Variants in DHRS12 observed in about 807,000 individuals in gnomAD.
The protein encoded by DHRS12 is dehydrogenase/reductase SDR family member 12.
In DHRS12, 29 loss-of-function variants were observed where a neutral mutation model predicts 32.1. That is an observed-to-expected ratio of 0.90 (90% CI 0.67 to 1.23). The LOEUF (loss-of-function observed/expected upper bound fraction) is 1.23, where lower values mean the gene tolerates loss of function less well. Among genes scored for constraint, DHRS12 ranks in the 50% most tolerant of loss-of-function variants. The pLI is 0.00. For missense variants in DHRS12, 330 were observed against 337.2 expected (o/e 0.98, Z 0.17); for synonymous variants, 150 against 135.9 (o/e 1.10, Z -0.72).
intron 4 of DHRS12, among the ~76,000 whole-genome samples, chr13:51,780,516 G>A (rs192315106): frequency 5.4e-4 from 82 of 152,326 alleles, no homozygotes; most frequent in Non-Finnish European, 8.5e-4. Flanking sequence ...TGACTCATTA[G>A]TATTTTAAAT....
At chr13:51,760,725 C>T in the DHRS12 span, 1 of 152,262 alleles carries the variant, frequency 6.6e-6, no homozygotes, top group African/African-American at 2.4e-5. Flanking sequence ...CTCGGATCAG[C>T]AGGCATTAGC....
chr13:51,775,961 T>TCTC (rs1555270018), intron 5 of DHRS12: 1 of 105,510 alleles, frequency 9.5e-6, no homozygotes, highest in African/African-American at 5.0e-5. Context: ...CTACATGTAT[T>TCTC]CTACAGTATT....
At chr13:51,784,854 C>T (rs1233211830) in intron 4 of DHRS12, among the ~76,000 whole-genome samples, 3 of 152,216 alleles carry the variant, frequency 2.0e-5, no homozygotes, top group Non-Finnish European at 4.4e-5. Flanking sequence ...CTAATTCCCC[C>T]ACTAGGCCAG....
intron 4 of DHRS12, among the ~76,000 whole-genome samples, chr13:51,785,727 A>C (rs924428995): frequency 6.6e-6 from 1 of 152,252 alleles, no homozygotes; most frequent in Non-Finnish European, 1.5e-5. Context: ...AGATCTGCAG[A>C]AGAGTCAGCA....
At chr13:51,763,849 C>T (rs953936443), downstream of DHRS12, 2 of 152,128 alleles carry the variant, frequency 1.3e-5, no homozygotes, top group African/African-American at 4.8e-5. Context: ...CTTCTTAAGG[C>T]CCAAATTTTT....
At position 51,799,636 on chromosome 13, in the gene DHRS12, C is replaced by T. The variant is rs773055506; in HGVS notation, c.24G>A (p.Leu8=). 17 of 1,614,022 alleles carry T rather than the reference C, an allele frequency of 1.1e-5. No individual in the cohort carries two copies. The highest frequency in any genetic ancestry group is 1.4e-5 in the Non-Finnish European group (17 of 1,180,038). MNLHVKT[L]SLMTWRSRFL... is the part of the protein sequence containing the mutation. ...ATCTGGACCTCCAAGTCATGAGGGA[C>T]AAAGTCTTTACATGCAGATTCATAG... Residue 8 remains leucine (L), a synonymous_variant, in exon 2 of 9, where the codon TTG becomes TTA. Coordinates refer to ENST00000444610, the MANE Select transcript of DHRS12 (RefSeq NM_001377533.1).
At chr13:51,790,134 G>T in intron 3 of DHRS12, 42 bp from the exon 4 acceptor site, 1 of 1,493,612 alleles carries the variant, frequency 6.7e-7, no homozygotes, top group South Asian at 1.3e-5. Context: ...GAAAAATAGG[G>T]CCAAAAGACC....
chr13:51,767,276 C>A (rs1006445892), downstream of DHRS12: 3 of 152,388 alleles, frequency 2.0e-5, no homozygotes, highest in Middle Eastern at 3.4e-3. Context: ...GCCCATCATC[C>A]TCCTGCAGAA....
chr13:51,759,773 C>A, the DHRS12 span: 1 of 1,613,702 alleles, frequency 6.2e-7, no homozygotes, highest in Non-Finnish European at 8.5e-7. Flanking sequence ...GTCTTGATGA[C>A]TCTCCCAGGA....
rs1477707399 is a variant in DHRS12, at chr13:51,791,189, C to T, written c.195G>A (p.Lys65=). Residue 65 remains lysine (K), a synonymous_variant, in exon 3 of 9, where the codon AAG becomes AAA. Transcript: ENST00000444610. Reference sequence around the variant, plus strand: ...CCAGAACATGGAGTTTATGTTCCTGCTTGAAATTTTCAACAAATTTCCAGA... The same window carrying T: ...CCAGAACATGGAGTTTATGTTCCTGTTTGAAATTTTCAACAAATTTCCAGA... ...KQIWKFVENF[K]QEHKLHVLIN... 4 of 1,580,430 alleles carry T rather than the reference C, an allele frequency of 2.5e-6. No homozygotes were observed. The highest frequency in any genetic ancestry group is 3.4e-6 in the Non-Finnish European group (4 of 1,161,890).
intron 4 of DHRS12, among the ~76,000 whole-genome samples, chr13:51,780,981 T>C (rs1226217940): frequency 6.6e-6 from 1 of 152,256 alleles, no homozygotes; most frequent in Non-Finnish European, 1.5e-5. Flanking sequence ...CAATGGGTTA[T>C]GTGCTTCCAT....
At chr13:51,771,724 TGGTTTTAGGTCATTCCTGG>T in intron 7 of DHRS12, 78 bp downstream of exon 7, 19 of 1,466,484 alleles carry the variant, frequency 1.3e-5, no homozygotes, top group Non-Finnish European at 1.8e-5. Flanking sequence ...CTCATTACGC[TGGTTTTAGGTCATTCCTGG>T]GGAGAGTCAA....
downstream of DHRS12, chr13:51,765,007 C>T (rs9535755): frequency 1.3e-5 from 2 of 152,204 alleles, no homozygotes; most frequent in African/African-American, 2.4e-5. Context: ...ACTTCCTGCT[C>T]TTGCAAGTCA....
At chr13:51,773,037 G>C (rs1954106941) in intron 6 of DHRS12, 2 of 985,350 alleles carry the variant, frequency 2.0e-6, no homozygotes, top group Non-Finnish European at 1.2e-6. Flanking sequence ...GGGCGCCCTA[G>C]CGGGTGAATT....
At chr13:51,794,947 C>T (rs1465571795) in intron 2 of DHRS12, among the ~76,000 whole-genome samples, 1 of 152,148 alleles carries the variant, frequency 6.6e-6, no homozygotes, top group African/African-American at 2.4e-5. Flanking sequence ...GTCCAGTGGA[C>T]TGGTGAGCCA....
intron 2 of DHRS12, among the ~76,000 whole-genome samples, chr13:51,795,927 G>A (rs1466697472): frequency 1.3e-5 from 2 of 152,106 alleles, no homozygotes; most frequent in African/African-American, 4.8e-5. Context: ...CCCAGGGCAG[G>A]CACACACACT....
At chr13:51,786,881 T>C (rs1411794429) in intron 4 of DHRS12, among the ~76,000 whole-genome samples, 4 of 152,148 alleles carry the variant, frequency 2.6e-5, no homozygotes, top group South Asian at 4.1e-4. Context: ...CTATCCCACA[T>C]TACATAATCA....
At chr13:51,755,567 T>G in the DHRS12 span, 84 of 1,039,326 alleles carry the variant, frequency 8.1e-5, no homozygotes, top group South Asian at 4.3e-4. Context: ...GAGGGTAAAT[T>G]ATTATCCTGG....
rs780531863 is a variant in DHRS12, at chr13:51,782,136, G to A, written c.302-5015C>T. Among the ~76,000 whole-genome samples the A allele has an allele frequency of 2.0e-5, 3 of 152,154 alleles. No homozygotes were observed. The highest frequency in any genetic ancestry group is 1.3e-4 in the Admixed American group (2 of 15,274). On this transcript the variant is annotated intron_variant, in intron 4 of 8. Transcript: ENST00000444610. This position sits in a 1 kb window ranked among gnomAD's most constrained non-coding sequence, Gnocchi z 4.2. ...GTGGGGCCCATTACAGGAGCAGACC[G>A]GTGAGGGACTAAGGCTTCAGTTTTG...
Sources: allele counts gnomAD v4.1 joint callset (sites outside exome capture counted in the v4.1 genomes callset), GRCh38; gene constraint gnomAD v4.1.1; non-coding constraint Gnocchi (gnomAD v3.1); transcripts MANE v1.5; gene names NCBI Gene and HGNC (gene_info 2026-07-23, HGNC 2026-07-21).